RELCH: variants seen among roughly 807,000 people sequenced by gnomAD.
RELCH encodes RAB11-binding protein RELCH.
Under a neutral mutation model 150.3 loss-of-function variants are expected in RELCH, and 41 were observed. The ratio of observed to expected loss-of-function variants is 0.27; its 90% CI spans 0.21 to 0.35. The LOEUF is 0.35. RELCH is among the 10% of genes least tolerant of loss of function. The pLI is 1.00. For missense variants in RELCH, 1,092 were observed against 1,467.8 expected, an observed-to-expected ratio of 0.74 and a Z score of 4.18; for synonymous variants, 478 against 531.8, an observed-to-expected ratio of 0.90 and a Z score of 1.39.
intron 1 of RELCH, among the ~76,000 whole-genome samples, chr18:62,202,931 A>G (rs931380886): frequency 6.6e-6 from 1 of 152,212 alleles, no homozygotes; most frequent in Non-Finnish European, 1.5e-5. Context: ...ATAAAAGTTC[A>G]CCATTGAGTG....
intron 1 of RELCH, among the ~76,000 whole-genome samples, chr18:62,189,967 G>T (rs2038501098): frequency 6.6e-6 from 1 of 152,068 alleles, no homozygotes; most frequent in Non-Finnish European, 1.5e-5. Context: ...GTCTCTATGT[G>T]TGTGTGTACA....
At chr18:62,251,779 A>C (rs913701161) in intron 11 of RELCH, among the ~76,000 whole-genome samples, 2 of 152,204 alleles carry the variant, frequency 1.3e-5, no homozygotes, top group Non-Finnish European at 2.9e-5. Flanking sequence ...CTAGAAAGTG[A>C]AGTTGTGTAG....
chr18:62,232,273 A>G (rs1419930913), intron 9 of RELCH, 59 bp from the exon 10 acceptor site: 9 of 1,116,182 alleles, frequency 8.1e-6, no homozygotes, highest in South Asian at 3.8e-5. Flanking sequence ...GAACTTTTCC[A>G]TATTATTATG....
intron 2 of RELCH, among the ~76,000 whole-genome samples, chr18:62,212,277 C>A (rs2040220694): frequency 1.3e-5 from 2 of 152,218 alleles, no homozygotes; most frequent in Admixed American, 1.3e-4. Flanking sequence ...CCATTGAAAT[C>A]ATTCTTGAGT....
intron 1 of RELCH, 41 bp downstream of exon 1, chr18:62,188,072 G>A (rs1483054345): frequency 7.3e-6 from 11 of 1,497,726 alleles, no homozygotes; most frequent in Non-Finnish European, 9.8e-6. Context: ...AGGGTATTTG[G>A]GATTGTACGG....
chr18:62,294,614 G>A (rs1378590812), intron 27 of RELCH, among the ~76,000 whole-genome samples: 1 of 152,062 alleles, frequency 6.6e-6, no homozygotes, highest in South Asian at 2.1e-4. Flanking sequence ...ATGAATATCT[G>A]TTTCCAATTT....
intron 11 of RELCH, among the ~76,000 whole-genome samples, chr18:62,249,851 A>G (rs1307576007): frequency 2.0e-5 from 3 of 152,022 alleles, no homozygotes; most frequent in Admixed American, 6.6e-5. Flanking sequence ...GTTATATAAT[A>G]TAAATAACAT....
intron 11 of RELCH, among the ~76,000 whole-genome samples, chr18:62,245,462 A>G (rs1189470434): frequency 6.6e-6 from 1 of 152,054 alleles, no homozygotes; most frequent in African/African-American, 2.4e-5. Context: ...TATCTCTTCT[A>G]AAAATACGAA....
intron 25 of RELCH, among the ~76,000 whole-genome samples, chr18:62,286,515 C>G (rs1276192587): frequency 6.6e-6 from 1 of 151,936 alleles, no homozygotes; most frequent in African/African-American, 2.4e-5. Context: ...TCAGTGCAAA[C>G]AAGAAAGGGG....
At position 62,232,243 on chromosome 18, in the gene RELCH, G is replaced by A. The variant is rs962499865; in HGVS notation, c.1525-89G>A. The stretch of plus-strand genomic sequence containing the variant: ...TATTGGAATGTGTGTTTAGGGCAGA[G>A]GTATCAGGGCCTAAAGAATGAACTT... On this transcript the variant is annotated intron_variant, in intron 9 of 28. Coordinates refer to ENST00000644646, the MANE Select transcript of RELCH (RefSeq NM_001346231.2). The A allele has an allele frequency of 2.2e-5, 16 of 733,378 alleles. No homozygotes were observed. The African/African-American group carries it at 2.8e-4, about 13-fold the overall frequency. The allele number at this position is 733,378 out of a possible 1,614,324, so 45.4% of individuals were successfully genotyped here. A position where few individuals can be genotyped will look rare whatever the true frequency, so the allele number is the denominator to read the frequency against.
Position 62,255,492 on chromosome 18 carries a change from T to C in RELCH, c.1896+14T>C. The stretch of plus-strand genomic sequence containing the variant: ...CCTTACCTTCCTGTAAGATTGTCTT[T>C]TTTTTTTTCTTTAAACTATTTTTCC... On this transcript the variant is annotated intron_variant, in intron 13 of 28. Transcript: ENST00000644646. The C allele has an allele frequency of 2.6e-6, 4 of 1,567,178 alleles. No individual in the cohort carries two copies. The highest frequency in any genetic ancestry group is 3.5e-6 in the Non-Finnish European group (4 of 1,158,664).
intron 22 of RELCH, 26 bp from the exon 23 acceptor site, chr18:62,279,748 G>A (rs2144926354): frequency 6.8e-7 from 1 of 1,471,708 alleles, no homozygotes; most frequent in Non-Finnish European, 9.2e-7. Context: ...CATCACCTGT[G>A]AATACCCCCT....
rs76058161 is a variant in RELCH at position 62,264,708 on chromosome 18, T to C, written c.2508-21T>C. The C allele has an allele frequency of 3.2e-3, 5,015 of 1,551,668 alleles. 134 individuals carry two copies. The African/African-American group carries it at 0.061, about 19-fold the overall frequency. On this transcript the variant is annotated intron_variant, in intron 17 of 28. Coordinates refer to ENST00000644646, the MANE Select transcript of RELCH (RefSeq NM_001346231.2). ...AATTTATATGTATCCCCTGCCTATTTTTCTTTCCTTTCATATTCAGGTTGC... is the reference window on the plus strand; with the variant it reads ...AATTTATATGTATCCCCTGCCTATTCTTCTTTCCTTTCATATTCAGGTTGC...
intron 20 of RELCH, chr18:62,269,293 G>GA: frequency 3.0e-6 from 1 of 329,606 alleles, no homozygotes; most frequent in Admixed American, 4.0e-5. Context: ...AAGCACTGTA[G>GA]AACACTATAC....
intron 1 of RELCH, among the ~76,000 whole-genome samples, chr18:62,197,056 G>T (rs549637232): frequency 6.6e-6 from 1 of 152,242 alleles, no homozygotes; most frequent in African/African-American, 2.4e-5. Context: ...TCTTTATCCT[G>T]AGTAAGGAAA....
intron 5 of RELCH, among the ~76,000 whole-genome samples, chr18:62,223,336 G>T (rs547496252): frequency 6.6e-6 from 1 of 151,744 alleles, no homozygotes; most frequent in African/African-American, 2.4e-5. Flanking sequence ...AATAATAAAA[G>T]AATGTTATGA....
At chr18:62,263,227 A>G (rs1213172747) in intron 16 of RELCH, among the ~76,000 whole-genome samples, 2 of 152,026 alleles carry the variant, frequency 1.3e-5, no homozygotes, top group Non-Finnish European at 2.9e-5. Flanking sequence ...AACTCATAAT[A>G]CTTGTTATCA....
At chr18:62,244,920 A>G (rs1271470769) in intron 11 of RELCH, 44 bp downstream of exon 11, 1 of 1,211,822 alleles carries the variant, frequency 8.3e-7, no homozygotes, top group African/African-American at 1.5e-5. Context: ...AATGTGACTT[A>G]CTGATTTTAA....
intron 22 of RELCH, among the ~76,000 whole-genome samples, chr18:62,278,215 G>A (rs2044319417): frequency 6.6e-6 from 1 of 151,998 alleles, no homozygotes; most frequent in Non-Finnish European, 1.5e-5. Context: ...GCTTTTGACA[G>A]ACTCAAGATA....
Sources: gnomAD v4.1 joint callset for allele counts (sites outside exome capture counted in the v4.1 genomes callset) on GRCh38, gnomAD v4.1.1 for gene constraint, MANE v1.5 for transcripts, NCBI Gene and HGNC (gene_info 2026-07-23, HGNC 2026-07-21) for gene names.